Variants in EBF1 observed in about 807,000 individuals in gnomAD.
EBF1 encodes the protein transcription factor COE1.
Under a neutral mutation model 68.4 loss-of-function variants are expected in EBF1, and 10 were observed. The ratio of observed to expected loss-of-function variants is 0.15; its 90% CI spans 0.09 to 0.25. EBF1 has a LOEUF of 0.25. EBF1 is among the 10% of genes least tolerant of loss of function. The pLI, the probability that EBF1 is intolerant of heterozygous loss-of-function variation, is 1.00. For missense variants in EBF1, 509 were observed against 794.4 expected (o/e 0.64, Z 4.32); for synonymous variants, 298 against 299.8 (o/e 0.99, Z 0.06).
intron 8 of EBF1, among the ~76,000 whole-genome samples, chr5:158,817,243 A>T (rs920314568): frequency 8.1e-5 from 12 of 148,778 alleles, no homozygotes; most frequent in Admixed American, 2.7e-4. Flanking sequence ...ATACCTGGCA[A>T]TTTTTTTTTT....
intron 5 of EBF1, among the ~76,000 whole-genome samples, chr5:159,074,823 G>A (rs1266360427): frequency 1.3e-5 from 2 of 151,304 alleles, no homozygotes; most frequent in Non-Finnish European, 3.0e-5. Context: ...TTCACCTTCT[G>A]ATTCAGAGGG....
In EBF1 at chr5:159,097,130, G is replaced by T. The variant is rs1237194468; in HGVS notation, c.135C>A (p.Ser45Arg). The change falls in exon 2 of 16, where the codon AGC becomes AGA. Residue 45 changes from serine to arginine, a missense_variant and splice_region_variant. By Grantham distance (110) the Ser-to-Arg change is moderately radical. Transcript: ENST00000313708. ...AGTGAGCCCGGGCCAGACCCACCCC[G>T]CTGCGGCCAAAGACGCAGAGTTAGA... ...GVLDANTAAQ[S>R]GVGLARAHFE... is the part of the protein sequence containing the mutation. 3.7e-6 allele frequency: 6 copies of T among 1,613,174 alleles called. No individual in the cohort carries two copies. The highest frequency in any genetic ancestry group is 5.1e-6 in the Non-Finnish European group (6 of 1,179,696).
intron 6 of EBF1, among the ~76,000 whole-genome samples, chr5:159,052,165 A>G (rs535162558): frequency 6.6e-6 from 1 of 152,278 alleles, no homozygotes; most frequent in African/African-American, 2.4e-5. Flanking sequence ...ACTGCTGTTA[A>G]AAATCATTTA....
chr5:158,776,225 C>A (rs972814791), intron 10 of EBF1, among the ~76,000 whole-genome samples: 3 of 152,014 alleles, frequency 2.0e-5, no homozygotes, highest in Admixed American at 6.6e-5. Flanking sequence ...AACTAATCGT[C>A]AGGCAGGCAC....
chr5:158,806,969 T>C (rs1413331130), intron 8 of EBF1, among the ~76,000 whole-genome samples: 3 of 152,176 alleles, frequency 2.0e-5, no homozygotes, highest in African/African-American at 7.2e-5. Context: ...TTTCAATTAA[T>C]TAATATGAAA....
intron 15 of EBF1, among the ~76,000 whole-genome samples, chr5:158,705,745 C>A (rs935181203): frequency 1.3e-5 from 2 of 152,198 alleles, no homozygotes; most frequent in African/African-American, 4.8e-5. Context: ...CCACTTCCTG[C>A]TCCTTCCTAG....
chr5:158,728,269 C>T lies in EBF1; in HGVS notation c.1125+2800G>A, dbSNP rs368761493. 3.0e-4 allele frequency among the ~76,000 whole-genome samples: 46 copies of T among 152,282 alleles called. 1 individual carries two copies. In the South Asian group the frequency reaches 8.7e-3, roughly 29 times the overall value. Reference sequence around the variant, plus strand: ...GGGTGGGCTCCGGCCAGCCCTTGCACGATCAAGTGGCTAGATGCAAGCCGT... The same window carrying T: ...GGGTGGGCTCCGGCCAGCCCTTGCATGATCAAGTGGCTAGATGCAAGCCGT... On this transcript the variant is annotated intron_variant, in intron 11 of 15. Transcript: ENST00000313708.
At chr5:159,081,094 C>G (rs1584483897) in intron 5 of EBF1, among the ~76,000 whole-genome samples, 1 of 152,202 alleles carries the variant, frequency 6.6e-6, no homozygotes, top group African/African-American at 2.4e-5. Flanking sequence ...GATCCTCCCA[C>G]CTCAGCCCCC....
At chr5:158,770,230 C>T (rs948190985) in intron 10 of EBF1, among the ~76,000 whole-genome samples, 3 of 152,138 alleles carry the variant, frequency 2.0e-5, no homozygotes, top group African/African-American at 7.2e-5. Context: ...CCCTCATCCC[C>T]ACATCTAACC....
intron 10 of EBF1, among the ~76,000 whole-genome samples, chr5:158,759,917 C>A (rs950811120): frequency 6.6e-6 from 1 of 150,512 alleles, no homozygotes; most frequent in Non-Finnish European, 1.5e-5. Context: ...ATTATTGCAC[C>A]CTCCCCTCCA....
intron 14 of EBF1, 146 bp from the exon 15 acceptor site, chr5:158,708,319 T>G: frequency 2.6e-6 from 2 of 756,914 alleles, no homozygotes; most frequent in Non-Finnish European, 4.2e-6. Context: ...ATTCGCAGGC[T>G]CTCATCCACT....
chr5:158,770,630 G>C (rs1001631794), intron 10 of EBF1, among the ~76,000 whole-genome samples: 1 of 151,910 alleles, frequency 6.6e-6, no homozygotes, highest in Non-Finnish European at 1.5e-5. Context: ...TCTTACAGCC[G>C]TCCAAGGTAC....
intron 6 of EBF1, among the ~76,000 whole-genome samples, chr5:158,948,249 T>C (rs1815245843): frequency 6.6e-6 from 1 of 151,820 alleles, no homozygotes; most frequent in South Asian, 2.1e-4. Flanking sequence ...CTTGTCTCTG[T>C]GATGTAGGGG....
chr5:159,082,798 C>T (rs1218682356), intron 5 of EBF1, among the ~76,000 whole-genome samples: 1 of 152,182 alleles, frequency 6.6e-6, no homozygotes, highest in African/African-American at 2.4e-5. Context: ...GCTTTTCCCT[C>T]TTAGCCACGC....
intron 6 of EBF1, among the ~76,000 whole-genome samples, chr5:158,985,606 C>T (rs1758867048): frequency 6.6e-6 from 1 of 152,232 alleles, no homozygotes; most frequent in South Asian, 2.1e-4. Flanking sequence ...CCTGCATCTA[C>T]TTTTTTGTTT....
intron 5 of EBF1, among the ~76,000 whole-genome samples, chr5:159,074,662 T>C (rs1778414095): frequency 6.6e-6 from 1 of 152,238 alleles, no homozygotes; most frequent in Admixed American, 6.5e-5. Flanking sequence ...GAAAGTCTCT[T>C]TTCTTGCCAT....
At chr5:158,834,523 T>C (rs564570416) in intron 7 of EBF1, among the ~76,000 whole-genome samples, 6 of 151,932 alleles carry the variant, frequency 3.9e-5, no homozygotes, top group African/African-American at 1.5e-4. Context: ...AAAAAAAACA[T>C]TGTGCCAGAT....
intron 6 of EBF1, among the ~76,000 whole-genome samples, chr5:158,969,291 A>G (rs1045519488): frequency 6.6e-6 from 1 of 152,192 alleles, no homozygotes; most frequent in Non-Finnish European, 1.5e-5. Context: ...CAACAGAGCA[A>G]GACTCGGTCC....
chr5:159,029,303 T>C (rs954766761), intron 6 of EBF1, among the ~76,000 whole-genome samples: 1 of 152,142 alleles, frequency 6.6e-6, no homozygotes, highest in East Asian at 1.9e-4. Flanking sequence ...AAATAACCAA[T>C]AGAATCGAGC....
Sources: allele counts gnomAD v4.1 joint callset (sites outside exome capture counted in the v4.1 genomes callset), GRCh38; gene constraint gnomAD v4.1.1; transcripts MANE v1.5; gene names NCBI Gene and HGNC (gene_info 2026-07-23, HGNC 2026-07-21).